The following MARCHF1 variants were observed in gnomAD, a reference collection of about 807,000 sequenced individuals.
MARCHF1 encodes E3 ubiquitin-protein ligase MARCHF1.
MARCHF1 carries 40 observed loss-of-function variants against 54.2 expected under a neutral mutation model. The ratio of observed to expected loss-of-function variants is 0.74; its 90% CI spans 0.57 to 0.96. The LOEUF is 0.96. Ranked by LOEUF, MARCHF1 falls within the 40% of genes least tolerant of loss-of-function variation. MARCHF1 has a pLI of 0.00. For missense variants in MARCHF1, 586 were observed against 656.5 expected, an observed-to-expected ratio of 0.89 and a Z score of 1.17; for synonymous variants, 236 against 236.3, an observed-to-expected ratio of 1.00 and a Z score of 0.01.
At chr4:163,634,079 A>G (rs1742215041) in intron 5 of MARCHF1, among the ~76,000 whole-genome samples, 1 of 152,194 alleles carries the variant, frequency 6.6e-6, no homozygotes, top group South Asian at 2.1e-4. Flanking sequence ...CCTGCCCTAA[A>G]AGAGCTCCTG....
chr4:164,113,653 T>C (rs1235642600), intron 1 of MARCHF1, among the ~76,000 whole-genome samples: 1 of 151,824 alleles, frequency 6.6e-6, no homozygotes, highest in East Asian at 1.9e-4. Flanking sequence ...AATAAATAAT[T>C]GTATAGGTAC....
intron 1 of MARCHF1, among the ~76,000 whole-genome samples, chr4:164,119,999 A>G (rs1448810830): frequency 6.6e-6 from 1 of 151,864 alleles, no homozygotes; most frequent in African/African-American, 2.4e-5. Context: ...TGAAGTGAAT[A>G]TATAACAGAT....
At chr4:163,829,476 A>G (rs1748954817) in intron 4 of MARCHF1, among the ~76,000 whole-genome samples, 1 of 152,140 alleles carries the variant, frequency 6.6e-6, no homozygotes. Flanking sequence ...TATGCACTTT[A>G]ATATATGCCA....
intron 4 of MARCHF1, among the ~76,000 whole-genome samples, chr4:163,797,599 A>G (rs1010166779): frequency 1.3e-5 from 2 of 151,906 alleles, no homozygotes; most frequent in African/African-American, 4.8e-5. Flanking sequence ...TCTGTACTAC[A>G]TTTCAGATAT....
At chr4:163,556,912 C>G (rs1233927526) in intron 8 of MARCHF1, among the ~76,000 whole-genome samples, 1 of 148,146 alleles carries the variant, frequency 6.8e-6, no homozygotes, top group Non-Finnish European at 1.5e-5. Flanking sequence ...AGAGAAGATT[C>G]TTTTGGGGTA....
chr4:163,982,953 A>T (rs1167000638), intron 3 of MARCHF1, among the ~76,000 whole-genome samples: 2 of 152,218 alleles, frequency 1.3e-5, no homozygotes, highest in African/African-American at 4.8e-5. Context: ...ACCAAGACAG[A>T]GTATTGTGAT....
At chr4:163,574,376 T>A (rs1221089390) in intron 8 of MARCHF1, among the ~76,000 whole-genome samples, 1 of 152,014 alleles carries the variant, frequency 6.6e-6, no homozygotes, top group Non-Finnish European at 1.5e-5. Flanking sequence ...GTTTTAGACA[T>A]GAAGTCCTTG....
chr4:163,787,767 T>G (rs570803745), intron 4 of MARCHF1, among the ~76,000 whole-genome samples: 1 of 152,042 alleles, frequency 6.6e-6, no homozygotes, highest in African/African-American at 2.4e-5. Flanking sequence ...TAAAGAAATA[T>G]CTGCATGCCT....
chr4:163,820,203 G>A (rs1005008001), intron 4 of MARCHF1, among the ~76,000 whole-genome samples: 2 of 152,002 alleles, frequency 1.3e-5, no homozygotes, highest in African/African-American at 4.8e-5. Context: ...TTACATCACC[G>A]AATCCAATAC....
chr4:164,043,420 C>A (rs1723678415), intron 2 of MARCHF1, among the ~76,000 whole-genome samples: 1 of 152,120 alleles, frequency 6.6e-6, no homozygotes, highest in African/African-American at 2.4e-5. Context: ...CCAAGCTGTA[C>A]CTTTACCACT....
chr4:164,039,675 A>G (rs1430055137), intron 2 of MARCHF1, among the ~76,000 whole-genome samples: 1 of 151,956 alleles, frequency 6.6e-6, no homozygotes, highest in Non-Finnish European at 1.5e-5. Flanking sequence ...ATCTCTCCAC[A>G]TACAGATAAA....
At chr4:164,132,625 C>G (rs1039243729) in intron 1 of MARCHF1, among the ~76,000 whole-genome samples, 2 of 152,228 alleles carry the variant, frequency 1.3e-5, no homozygotes, top group Non-Finnish European at 2.9e-5. Flanking sequence ...GATTCCTTTG[C>G]CAACATTTGA....
At chr4:163,613,466 C>T in intron 5 of MARCHF1, 73 bp from the exon 6 acceptor site, 1 of 1,612,306 alleles carries the variant, frequency 6.2e-7, no homozygotes, top group South Asian at 1.1e-5. Flanking sequence ...TTTTTTTCCA[C>T]ATATTTAAAA....
intron 3 of MARCHF1, among the ~76,000 whole-genome samples, chr4:163,937,011 A>G (rs1751811040): frequency 6.6e-6 from 1 of 152,176 alleles, no homozygotes; most frequent in Non-Finnish European, 1.5e-5. Context: ...TATAAATGAA[A>G]TCACTCTCAC....
At chr4:163,704,951 A>G (rs916366645) in intron 4 of MARCHF1, among the ~76,000 whole-genome samples, 1 of 151,714 alleles carries the variant, frequency 6.6e-6, no homozygotes, top group Non-Finnish European at 1.5e-5. Flanking sequence ...GATATCAGAA[A>G]TGATACATAA....
chr4:164,172,369 C>T (rs1240281143), intron 1 of MARCHF1, among the ~76,000 whole-genome samples: 2 of 152,098 alleles, frequency 1.3e-5, no homozygotes, highest in Non-Finnish European at 2.9e-5. Context: ...ACTGAATTTA[C>T]TTATCTTACT....
At chr4:163,742,098 T>G (rs1464394146) in intron 4 of MARCHF1, among the ~76,000 whole-genome samples, 2 of 151,890 alleles carry the variant, frequency 1.3e-5, no homozygotes, top group African/African-American at 2.4e-5. Flanking sequence ...CATTGGGGGG[T>G]GTGTCTGCAA....
At chr4:163,700,676 TAA>T (rs1249464156) in intron 5 of MARCHF1, 135 bp downstream of exon 5, 2 of 648,584 alleles carry the variant, frequency 3.1e-6, no homozygotes, top group South Asian at 2.1e-5. Flanking sequence ...AGTAAAAGCT[TAA>T]AAGAGTTAAA....
intron 1 of MARCHF1, among the ~76,000 whole-genome samples, chr4:164,307,257 CTCAGTATT>C (rs1734720319): frequency 6.6e-6 from 1 of 152,144 alleles, no homozygotes; most frequent in African/African-American, 2.4e-5. Context: ...TTTGGAAAAC[CTCAGTATT>C]TACCTACAAA....
Sources: allele counts gnomAD v4.1 joint callset (sites outside exome capture counted in the v4.1 genomes callset), GRCh38; gene constraint gnomAD v4.1.1; transcripts MANE v1.5; gene names NCBI Gene and HGNC (gene_info 2026-07-23, HGNC 2026-07-21).